The following SEMA3E variants were observed in gnomAD, a reference collection of about 807,000 sequenced individuals.
SEMA3E encodes the protein semaphorin-3E.
A neutral mutation model predicts 93.6 loss-of-function variants in SEMA3E; 49 were observed. The observed-to-expected ratio is 0.52, with a 90% CI of 0.42 to 0.66. The LOEUF (loss-of-function observed/expected upper bound fraction) is 0.66, where lower values mean the gene tolerates loss of function less well. SEMA3E is among the 30% of genes least tolerant of loss of function. The pLI, the probability that SEMA3E is intolerant of heterozygous loss-of-function variation, is 0.00. For missense variants in SEMA3E, 906 were observed against 964.8 expected (o/e 0.94, Z 0.81); for synonymous variants, 363 against 330.7 (o/e 1.10, Z -1.06).
At chr7:83,431,688 GTATGA>G (rs1229158721) in intron 4 of SEMA3E, among the ~76,000 whole-genome samples, 1 of 12,518 alleles carries the variant, frequency 8.0e-5, no homozygotes, top group Non-Finnish European at 2.1e-4. Context: ...ACAAGCATGA[GTATGA>G]GTCATTGTAC....
intron 1 of SEMA3E, among the ~76,000 whole-genome samples, chr7:83,501,430 A>C (rs1790594490): frequency 6.6e-6 from 1 of 152,164 alleles, no homozygotes; most frequent in Non-Finnish European, 1.5e-5. Flanking sequence ...TCATGCTAAG[A>C]AGTTGAATAG....
At chr7:83,591,898 A>T (rs1013341790) in intron 1 of SEMA3E, among the ~76,000 whole-genome samples, 4 of 152,016 alleles carry the variant, frequency 2.6e-5, no homozygotes, top group Non-Finnish European at 4.4e-5. Flanking sequence ...ATTCACATCA[A>T]TTTTTCTATA....
At chr7:83,624,854 T>C (rs982422775) in intron 1 of SEMA3E, among the ~76,000 whole-genome samples, 1 of 152,056 alleles carries the variant, frequency 6.6e-6, no homozygotes, top group South Asian at 2.1e-4. Flanking sequence ...TTTTATGGTT[T>C]TAGGTCTTAC....
Position 83,533,545 on chromosome 7 carries a change from A to G in SEMA3E, c.116-43271T>C, listed in dbSNP as rs117420197. Among the ~76,000 whole-genome samples, 1,286 of 147,792 alleles carry G rather than the reference A, an allele frequency of 8.7e-3. 6 individuals are homozygous for G. The highest frequency in any genetic ancestry group is 0.015 in the Non-Finnish European group (985 of 67,704). The stretch of plus-strand genomic sequence containing the variant: ...GGCGACAGAGTGAGACCGTTTCTCA[A>G]TAAAATACGATAAAATAAAATAAAA... On this transcript the variant is annotated intron_variant, in intron 1 of 16. Transcript: ENST00000643230.
intron 1 of SEMA3E, among the ~76,000 whole-genome samples, chr7:83,554,395 C>T (rs1361684482): frequency 1.3e-5 from 2 of 152,212 alleles, no homozygotes; most frequent in South Asian, 2.1e-4. Flanking sequence ...AGGTAGCACT[C>T]GTATTCCTCC....
chr7:83,504,779 C>T (rs2115617644), intron 1 of SEMA3E, among the ~76,000 whole-genome samples: 1 of 152,156 alleles, frequency 6.6e-6, no homozygotes. Context: ...TCTCTGGAAG[C>T]TATGAAGGGA....
chr7:83,387,118 T>C (rs924372385), intron 14 of SEMA3E, 68 bp from the exon 15 acceptor site: 6 of 1,284,882 alleles, frequency 4.7e-6, no homozygotes, highest in East Asian at 2.4e-5. Flanking sequence ...TGCAGCCAAT[T>C]GCATTTCATA....
chr7:83,445,991 T>C (rs1310920074), intron 4 of SEMA3E, among the ~76,000 whole-genome samples: 3 of 152,178 alleles, frequency 2.0e-5, no homozygotes, highest in African/African-American at 7.2e-5. Flanking sequence ...CTTACTACAT[T>C]CCAGTCCCTA....
At chr7:83,419,710 G>C (rs1274403840) in intron 4 of SEMA3E, among the ~76,000 whole-genome samples, 1 of 151,682 alleles carries the variant, frequency 6.6e-6, no homozygotes, top group Non-Finnish European at 1.5e-5. Flanking sequence ...AATGTTTTTT[G>C]GCTTCCTGTA....
At chr7:83,619,056 C>T (rs1355087581) in intron 1 of SEMA3E, among the ~76,000 whole-genome samples, 2 of 151,872 alleles carry the variant, frequency 1.3e-5, no homozygotes, top group African/African-American at 4.8e-5. Flanking sequence ...AACTATAACT[C>T]CTTCTGTTAA....
intron 1 of SEMA3E, among the ~76,000 whole-genome samples, chr7:83,559,075 G>C (rs1462874252): frequency 6.6e-6 from 1 of 152,026 alleles, no homozygotes; most frequent in Admixed American, 6.6e-5. Context: ...CCAATAATTG[G>C]TGCTCATCTT....
chr7:83,392,032 T>C (rs1223671816), intron 14 of SEMA3E, among the ~76,000 whole-genome samples: 5 of 152,182 alleles, frequency 3.3e-5, no homozygotes, highest in Non-Finnish European at 7.3e-5. Context: ...TAAAGAATCC[T>C]GGGATTTACC....
chr7:83,475,697 G>A (rs1404837677), intron 2 of SEMA3E, among the ~76,000 whole-genome samples: 1 of 152,148 alleles, frequency 6.6e-6, no homozygotes, highest in Non-Finnish European at 1.5e-5. Flanking sequence ...AGAGTCTAAT[G>A]TTTTCTGACA....
At chr7:83,593,326 G>C (rs905801476) in intron 1 of SEMA3E, among the ~76,000 whole-genome samples, 1 of 121,286 alleles carries the variant, frequency 8.2e-6, no homozygotes. Context: ...GTGTGTGTGT[G>C]TGTGTGTGTT....
chr7:83,421,688 G>A, intron 4 of SEMA3E, among the ~76,000 whole-genome samples: 1 of 142,156 alleles, frequency 7.0e-6, no homozygotes. Flanking sequence ...TCTCAAACTT[G>A]ATCTTAACTT....
chr7:83,382,840 C>T (rs549405026), intron 16 of SEMA3E, among the ~76,000 whole-genome samples: 1 of 151,900 alleles, frequency 6.6e-6, no homozygotes, highest in African/African-American at 2.4e-5. Context: ...GAGAGAACCA[C>T]TATAATCTAG....
intron 1 of SEMA3E, among the ~76,000 whole-genome samples, chr7:83,600,936 A>T (rs965827190): frequency 6.6e-6 from 1 of 152,156 alleles, no homozygotes; most frequent in African/African-American, 2.4e-5. Flanking sequence ...GGCAAAAGAG[A>T]CCTTAAAGAC....
intron 1 of SEMA3E, among the ~76,000 whole-genome samples, chr7:83,502,820 G>C (rs1403601135): frequency 6.6e-6 from 1 of 151,926 alleles, no homozygotes; most frequent in East Asian, 1.9e-4. Context: ...ATATCCCCAG[G>C]ACCTAGACCA....
Position 83,379,879 on chromosome 7 carries a change from C to T in SEMA3E, c.1875+5415G>A, listed in dbSNP as rs112464392. On this transcript the variant is annotated intron_variant, in intron 16 of 16. Transcript: ENST00000643230. ...GTACACAGTAAGTCATATTTAAGTACCGATTGGTGCTATATTCTTCTTACT... is the reference window on the plus strand; with the variant it reads ...GTACACAGTAAGTCATATTTAAGTATCGATTGGTGCTATATTCTTCTTACT... Among the ~76,000 whole-genome samples, 8 of 151,910 alleles carry T rather than the reference C, an allele frequency of 5.3e-5. No individual in the cohort carries two copies. In the East Asian group the frequency reaches 9.6e-4, roughly 18 times the overall value.
Sources: gnomAD v4.1 joint callset for allele counts (sites outside exome capture counted in the v4.1 genomes callset) on GRCh38, gnomAD v4.1.1 for gene constraint, MANE v1.5 for transcripts, NCBI Gene and HGNC (gene_info 2026-07-23, HGNC 2026-07-21) for gene names.